The following B3GLCT variants were observed in gnomAD, a reference collection of about 807,000 sequenced individuals.
The protein encoded by B3GLCT is beta 3-glucosyltransferase, also known as beta-1,3-glucosyltransferase.
A neutral mutation model predicts 63.4 loss-of-function variants in B3GLCT; 65 were observed. The observed-to-expected ratio is 1.03, with a 90% confidence interval of 0.84 to 1.26. The LOEUF (loss-of-function observed/expected upper bound fraction) is 1.26. B3GLCT is among the 50% of genes most tolerant of loss of function. The pLI, the probability that B3GLCT is intolerant of heterozygous loss-of-function variation, is 0.00. For missense variants in B3GLCT, 577 were observed against 604.8 expected (o/e 0.95, Z 0.48); for synonymous variants, 233 against 219.2 (o/e 1.06, Z -0.55).
chr13:31,255,641 T>A (rs1871700014), intron 6 of B3GLCT, among the ~76,000 whole-genome samples: 1 of 152,148 alleles, frequency 6.6e-6, no homozygotes, highest in Non-Finnish European at 1.5e-5. Context: ...GCTTCAGAAG[T>A]AACACCACAC....
At position 31,330,491 on chromosome 13, in the gene B3GLCT, A is replaced by G. The variant is rs1875862163; in HGVS notation, c.*823A>G. 6.6e-6 allele frequency: 1 copy of G among 150,562 alleles called. No homozygotes were observed. The highest frequency in any genetic ancestry group is 1.5e-5 in the Non-Finnish European group (1 of 67,682). 9.3% of individuals were successfully genotyped at this position (150,562 alleles called of 1,614,324 possible). A position where few individuals can be genotyped will look rare whatever the true frequency, so the allele number is the denominator to read the frequency against. Reference sequence around the variant, plus strand: ...TGTTTTGTTCAAGTCAGCAAGCTCTATGTGAGTCTCAGGAAGTGAATTAAA... The same window carrying G: ...TGTTTTGTTCAAGTCAGCAAGCTCTGTGTGAGTCTCAGGAAGTGAATTAAA... On this transcript the variant is annotated 3_prime_UTR_variant, in exon 15 of 15. Coordinates refer to ENST00000343307, the MANE Select transcript of B3GLCT (RefSeq NM_194318.4).
At chr13:31,276,451 A>G (rs904148198) in intron 9 of B3GLCT, among the ~76,000 whole-genome samples, 1 of 152,174 alleles carries the variant, frequency 6.6e-6, no homozygotes, top group African/African-American at 2.4e-5. Context: ...AGCAGACTGA[A>G]ATTCTGGAAA....
At chr13:31,295,893 G>T (rs929496562) in intron 12 of B3GLCT, among the ~76,000 whole-genome samples, 8 of 152,202 alleles carry the variant, frequency 5.3e-5, no homozygotes, top group African/African-American at 9.6e-5. Context: ...CTCAATGTCT[G>T]CCCAAATGGC....
At chr13:31,209,054 G>A (rs1869127953) in intron 1 of B3GLCT, among the ~76,000 whole-genome samples, 1 of 152,148 alleles carries the variant, frequency 6.6e-6, no homozygotes, top group East Asian at 1.9e-4. Context: ...CCATTGGCCT[G>A]CCCTGTATAA....
At chr13:31,274,780 G>A in intron 9 of B3GLCT, 152 bp downstream of exon 9, 2 of 980,516 alleles carry the variant, frequency 2.0e-6, no homozygotes, top group East Asian at 2.6e-5. Context: ...CTAAGGTTTG[G>A]GCTTCTGCTG....
chr13:31,253,567 G>C (rs1871547683), intron 6 of B3GLCT, among the ~76,000 whole-genome samples: 1 of 116,360 alleles, frequency 8.6e-6, no homozygotes, highest in Non-Finnish European at 1.6e-5. Flanking sequence ...CTGCACTCCA[G>C]CCTGGGTGAC....
At chr13:31,253,434 G>A (rs1871538866) in intron 6 of B3GLCT, among the ~76,000 whole-genome samples, 1 of 151,340 alleles carries the variant, frequency 6.6e-6, no homozygotes, top group Admixed American at 6.6e-5. Context: ...TACTAAAAGT[G>A]CAAAAAAAAT....
chr13:31,280,431 GAAAAAAATCTAGAGAAA>G (rs1873015098), intron 10 of B3GLCT, among the ~76,000 whole-genome samples: 1 of 152,000 alleles, frequency 6.6e-6, no homozygotes. Flanking sequence ...AATGATGAAG[GAAAAAAATCTAGAGAAA>G]CTGTACTTGT....
chr13:31,210,094 A>G (rs148507492), intron 1 of B3GLCT, among the ~76,000 whole-genome samples: 3 of 152,300 alleles, frequency 2.0e-5, no homozygotes, highest in East Asian at 1.9e-4. Context: ...GTCCCAGGTT[A>G]GTTGTAAAAT....
chr13:31,232,347 C>T (rs1468266531), intron 4 of B3GLCT, among the ~76,000 whole-genome samples: 6 of 152,122 alleles, frequency 3.9e-5, no homozygotes, highest in Admixed American at 1.3e-4. Flanking sequence ...CTGGGGAGGC[C>T]TCAGGAAACT....
rs370961422 is a variant in B3GLCT at position 31,241,719 on chromosome 13, ATAAG to A, written c.271-5302_271-5299del. 1.2e-3 allele frequency among the ~76,000 whole-genome samples: 178 copies of A among 152,322 alleles called. 1 individual carries two copies. Among genetic ancestry groups the A allele is most frequent in the African/African-American group, 4.1e-3 (172 of 41,576 alleles). On this transcript the variant is annotated intron_variant, in intron 4 of 14. Coordinates refer to ENST00000343307, the MANE Select transcript of B3GLCT (RefSeq NM_194318.4). ...GAACTAAGCCTTGAAGAAATGTAGT[ATAAG>A]TTTGGTAGACTCCCATCTTGGGCAG...
intron 1 of B3GLCT, among the ~76,000 whole-genome samples, chr13:31,210,505 A>T (rs1313344342): frequency 6.6e-6 from 1 of 152,186 alleles, no homozygotes; most frequent in Non-Finnish European, 1.5e-5. Flanking sequence ...TTTGTCAGTC[A>T]CCAGCCCAGA....
chr13:31,291,218 C>A (rs1030072191), intron 12 of B3GLCT, among the ~76,000 whole-genome samples: 7 of 152,142 alleles, frequency 4.6e-5, no homozygotes, highest in African/African-American at 1.7e-4. Context: ...GTTTTGGTAC[C>A]AGTACCATGC....
intron 7 of B3GLCT, among the ~76,000 whole-genome samples, chr13:31,263,082 CT>C: frequency 6.6e-6 from 1 of 152,254 alleles, no homozygotes; most frequent in South Asian, 2.1e-4. Context: ...CCAGGTAGAG[CT>C]ATATGGCAAG....
chr13:31,224,457 C>T (rs1869988662), intron 3 of B3GLCT, among the ~76,000 whole-genome samples: 1 of 152,116 alleles, frequency 6.6e-6, no homozygotes, highest in Non-Finnish European at 1.5e-5. Flanking sequence ...AACTTGGTAT[C>T]AGTTCATCTG....
chr13:31,302,168 G>A lies in B3GLCT; in HGVS notation c.1064+15349G>A, dbSNP rs924442883. On this transcript the variant is annotated intron_variant, in intron 12 of 14. Transcript: ENST00000343307. ...AAAGCTTAGACCACAAATTTGATAAGGCTTCTGGAACTGTCTTGGTTTTGC... is the reference window on the plus strand; with the variant it reads ...AAAGCTTAGACCACAAATTTGATAAAGCTTCTGGAACTGTCTTGGTTTTGC... Among the ~76,000 whole-genome samples the A allele has an allele frequency of 1.4e-4, 22 of 152,310 alleles. 1 individual carries two copies. Among genetic ancestry groups the A allele is most frequent in the African/African-American group, 3.4e-4 (14 of 41,564 alleles).
chr13:31,286,701 T>G lies in B3GLCT; in HGVS notation c.965-19T>G. 1 of 1,513,296 alleles carries G rather than the reference T, an allele frequency of 6.6e-7. No homozygotes were observed. Among genetic ancestry groups the G allele is most frequent in the Non-Finnish European group, 9.2e-7 (1 of 1,089,114 alleles). The allele number at this position is 1,513,296 out of a possible 1,614,324, so 93.7% of individuals were successfully genotyped here. A position where few individuals can be genotyped will look rare whatever the true frequency, so the allele number is the denominator to read the frequency against. Reference sequence around the variant, plus strand: ...TATAAGAAATAATACATTGTAAGTTTTTTTCTTGCCTTTTCTAGGTCATTG... The same window carrying G: ...TATAAGAAATAATACATTGTAAGTTGTTTTCTTGCCTTTTCTAGGTCATTG... On this transcript the variant is annotated intron_variant, in intron 11 of 14. Coordinates refer to ENST00000343307, the MANE Select transcript of B3GLCT (RefSeq NM_194318.4).
chr13:31,286,214 C>T (rs967382901), intron 11 of B3GLCT, among the ~76,000 whole-genome samples: 7 of 152,166 alleles, frequency 4.6e-5, no homozygotes, highest in African/African-American at 1.7e-4. Flanking sequence ...TGCTTAGTAC[C>T]TGCCACAGTA....
chr13:31,328,019 G>C (rs866086440), intron 14 of B3GLCT, among the ~76,000 whole-genome samples: 1 of 152,182 alleles, frequency 6.6e-6, no homozygotes, highest in South Asian at 2.1e-4. Flanking sequence ...AGAGGCAGCC[G>C]GTGTCCTGGC....
Sources: gnomAD v4.1 joint callset for allele counts (sites outside exome capture counted in the v4.1 genomes callset) on GRCh38, gnomAD v4.1.1 for gene constraint, MANE v1.5 for transcripts, NCBI Gene and HGNC (gene_info 2026-07-23, HGNC 2026-07-21) for gene names.